Variants in DHX30 observed in about 807,000 individuals in gnomAD.
DHX30 encodes ATP-dependent RNA helicase DHX30.
A neutral mutation model predicts 116.9 loss-of-function variants in DHX30; 4 were observed. The ratio of observed to expected loss-of-function variants is 0.03; its 90% CI spans 0.02 to 0.08. DHX30 has a LOEUF of 0.08. DHX30 is among the 10% of genes least tolerant of loss of function. The pLI, the probability that DHX30 is intolerant of heterozygous loss-of-function variation, is 1.00. For synonymous variants in DHX30, 697 were observed against 651.7 expected, an observed-to-expected ratio of 1.07 and a Z score of -1.06; for missense variants, 871 against 1,595.1, an observed-to-expected ratio of 0.55 and a Z score of 7.73.
In DHX30 at chr3:47,847,406, G is replaced by A; in HGVS notation, c.2006-26G>A. Reference sequence around the variant, plus strand: ...CTGGCCACGTTTGCAGCAACAGCTGGCTCATGCCCCAGGGCTCCTTTACAG... The same window carrying A: ...CTGGCCACGTTTGCAGCAACAGCTGACTCATGCCCCAGGGCTCCTTTACAG... On this transcript the variant is annotated intron_variant, in intron 12 of 21. Transcript: ENST00000445061. The surrounding 1 kb of genome is among the most constrained non-coding windows in gnomAD (Gnocchi z 5.5). 1 of 1,614,112 alleles carries A rather than the reference G, an allele frequency of 6.2e-7. No individual in the cohort carries two copies. Among genetic ancestry groups the A allele is most frequent in the East Asian group, 2.2e-5 (1 of 44,880 alleles).
In DHX30 at chr3:47,849,484, T is replaced by C. The variant is rs1259969216; in HGVS notation, c.3121T>C (p.Phe1041Leu). ...GGGCAAGGTCACCCGGCAGGGGAAG[T>C]TCAAGCCCAACAGCGTCACATATAG... Reference protein sequence around the residue: ...RQGKVTRQGKFKPNSVTYRTK... With the variant: ...RQGKVTRQGKLKPNSVTYRTK... Residue 1041 changes from phenylalanine to leucine, a missense_variant, in exon 20 of 22, where the codon TTC becomes CTC. This residue lies in a region of DHX30 where 238 missense variants were observed against 481.0 expected (regional missense o/e 0.49). Coordinates refer to ENST00000445061, the MANE Select transcript of DHX30 (RefSeq NM_138615.3). The C allele has an allele frequency of 2.5e-6, 4 of 1,582,026 alleles. No homozygotes were observed. Among genetic ancestry groups the C allele is most frequent in the Non-Finnish European group, 8.6e-7 (1 of 1,159,854 alleles).
intron 8 of DHX30, 35 bp from the exon 9 acceptor site, chr3:47,843,071 C>T: frequency 6.2e-7 from 1 of 1,610,638 alleles, no homozygotes; most frequent in Non-Finnish European, 8.5e-7. Context: ...CCATTCCCTA[C>T]ATTTCTGTAA....
At chr3:47,819,718 C>T (rs185000968) in intron 4 of DHX30, among the ~76,000 whole-genome samples, 70 of 152,262 alleles carry the variant, frequency 4.6e-4, no homozygotes, top group Non-Finnish European at 5.7e-4. Context: ...TTATATTGAT[C>T]ACAGTACTCA....
At position 47,810,678 on chromosome 3, in the gene DHX30, C is replaced by T. The variant is rs772602477; in HGVS notation, c.-6C>T. 1 of 1,614,076 alleles carries T rather than the reference C, an allele frequency of 6.2e-7. No individual in the cohort carries two copies. Among genetic ancestry groups the T allele is most frequent in the Non-Finnish European group, 8.5e-7 (1 of 1,179,956 alleles). ...TCAGGATTCCAGCTTTCCCTCCTGG[C>T]CAGAAATGTTCAGCCTGGACTCATT... On this transcript the variant is annotated 5_prime_UTR_variant, in exon 3 of 22. Coordinates refer to ENST00000445061, the MANE Select transcript of DHX30 (RefSeq NM_138615.3).
intron 3 of DHX30, among the ~76,000 whole-genome samples, chr3:47,812,023 C>T (rs1361066351): frequency 1.4e-5 from 2 of 143,640 alleles, no homozygotes; most frequent in Non-Finnish European, 3.0e-5. Context: ...GAGATTACAC[C>T]ACTGCACTCC....
chr3:47,841,086 C>T lies in DHX30; in HGVS notation c.576C>T (p.Asp192=), dbSNP rs200914345. The change falls in exon 7 of 22, where the codon GAC becomes GAT. Residue 192 remains aspartate, a synonymous_variant. Coordinates refer to ENST00000445061, the MANE Select transcript of DHX30 (RefSeq NM_138615.3). The part of the protein sequence containing the change: ...SRSLGREEEE[D]EEEELEEGTI... ...CTTTAGGCCGGGAAGAAGAGGAGGA[C>T]GAGGAGGAAGAGCTAGAAGAAGGGA... The T allele has an allele frequency of 3.9e-5, 63 of 1,614,060 alleles. No individual in the cohort carries two copies. The African/African-American group carries it at 6.3e-4, about 16-fold the overall frequency.
chr3:47,846,819 C>G lies in DHX30; in HGVS notation c.1747C>G (p.Pro583Ala). ...GCTCAAGGGCCTGCAGCGGCTCAAC[C>G]CGGCCCTGCGGCTGGTGCTCATGAG... ...ILLKGLQRLN[P>A]ALRLVLMSAT... The change falls in exon 11 of 22, where the codon CCG becomes GCG. Residue 583 changes from proline (P) to alanine (A), a missense_variant. Pro to Ala is a conservative substitution (Grantham distance 27, BLOSUM62 -1). Transcript: ENST00000445061. 5.0e-6 allele frequency: 8 copies of G among 1,613,116 alleles called. No homozygotes were observed. The highest frequency in any genetic ancestry group is 6.8e-6 in the Non-Finnish European group (8 of 1,179,820).
At chr3:47,822,645 C>T (rs2036349189) in intron 4 of DHX30, among the ~76,000 whole-genome samples, 1 of 151,630 alleles carries the variant, frequency 6.6e-6, no homozygotes, top group South Asian at 2.1e-4. Context: ...ATTAGCTGGG[C>T]ATGGTGGCAC....
intron 1 of DHX30, among the ~76,000 whole-genome samples, chr3:47,803,435 G>GAGCCCGGGCGGGGGCGGGGGCC (rs1216824032): frequency 7.9e-5 from 12 of 152,136 alleles, no homozygotes; most frequent in Non-Finnish European, 1.5e-5. Flanking sequence ...CGTTGCCATG[G>GAGCCCGGGCGGGGGCGGGGGCC]AGCCCGGGCG....
Position 47,847,706 on chromosome 3 carries a change from C to T in DHX30, c.2111-75C>T. Reference sequence around the variant, plus strand: ...GTTTCATCAAAATGGGGTCAAAATCCTTGCCCTGCCCACATTCCAGGGGGG... The same window carrying T: ...GTTTCATCAAAATGGGGTCAAAATCTTTGCCCTGCCCACATTCCAGGGGGG... On this transcript the variant is annotated intron_variant, in intron 13 of 21. Transcript: ENST00000445061. The surrounding 1 kb of genome is among the most constrained non-coding windows in gnomAD (Gnocchi z 5.5). 6.5e-7 allele frequency: 1 copy of T among 1,543,534 alleles called. No homozygotes were observed. Among genetic ancestry groups the T allele is most frequent in the Admixed American group, 1.9e-5 (1 of 52,360 alleles).
At position 47,847,234 on chromosome 3, in the gene DHX30, C is replaced by G; in HGVS notation, c.1930-39C>G. ...CTGTGTCCTTGGCATGACCCCTTAC[C>G]CCGGGGCTGTGACTGTGGCCTCTCT... On this transcript the variant is annotated intron_variant, in intron 11 of 21. Transcript: ENST00000445061. This position sits in a 1 kb window ranked among gnomAD's most constrained non-coding sequence, Gnocchi z 5.5. 1 of 1,613,464 alleles carries G rather than the reference C, an allele frequency of 6.2e-7. No homozygotes were observed. The highest frequency in any genetic ancestry group is 1.3e-5 in the African/African-American group (1 of 75,054).
rs1236507284 is a variant in DHX30, at chr3:47,841,660, G to T, written c.712G>T (p.Ala238Ser). 6.2e-7 allele frequency: 1 copy of T among 1,614,228 alleles called. No homozygotes were observed. Among genetic ancestry groups the T allele is most frequent in the South Asian group, 1.1e-5 (1 of 91,082 alleles). Residue 238 changes from alanine (A) to serine (S), a missense_variant, in exon 8 of 22, where the codon GCT becomes TCT. This residue lies in a region of DHX30 where 175 missense variants were observed against 292.9 expected (regional missense o/e 0.60). Coordinates refer to ENST00000445061, the MANE Select transcript of DHX30 (RefSeq NM_138615.3). ...GACAGATGACGACAGTGCCATTAGGGCTCTGACCCAGTTTCCACTTCCCAA... is the reference window on the plus strand; with the variant it reads ...GACAGATGACGACAGTGCCATTAGGTCTCTGACCCAGTTTCCACTTCCCAA... ...EMTDDDSAIR[A>S]LTQFPLPKNL... is the part of the protein sequence containing the mutation.
At chr3:47,817,894 G>C in intron 3 of DHX30, 128 bp from the exon 4 acceptor site, 1 of 754,790 alleles carries the variant, frequency 1.3e-6, no homozygotes, top group Non-Finnish European at 2.5e-6. Context: ...ACCTGTGGCT[G>C]CTCCCAGCAC....
At chr3:47,830,231 C>T (rs1015539547) in intron 6 of DHX30, among the ~76,000 whole-genome samples, 8 of 151,026 alleles carry the variant, frequency 5.3e-5, no homozygotes, top group Admixed American at 1.3e-4. Context: ...GGGCAGATCA[C>T]GAGGTCAGGA....
chr3:47,806,444 T>A (rs2035527370), intron 2 of DHX30, among the ~76,000 whole-genome samples: 2 of 139,742 alleles, frequency 1.4e-5, no homozygotes, highest in Admixed American at 1.5e-4. Flanking sequence ...GCCTGGCCAA[T>A]TTTTTTCTTT....
chr3:47,839,533 AT>A (rs1216026518), intron 6 of DHX30, among the ~76,000 whole-genome samples: 1 of 151,280 alleles, frequency 6.6e-6, no homozygotes. Flanking sequence ...ACCTCAGGTG[AT>A]CCGCCCACCT....
chr3:47,820,512 T>C (rs1280479471), intron 4 of DHX30, among the ~76,000 whole-genome samples: 1 of 152,142 alleles, frequency 6.6e-6, no homozygotes, highest in Non-Finnish European at 1.5e-5. Flanking sequence ...AAATATAGGC[T>C]GAGACTCCTG....
chr3:47,806,337 T>C (rs2035522003), intron 2 of DHX30, among the ~76,000 whole-genome samples: 1 of 146,492 alleles, frequency 6.8e-6, no homozygotes, highest in Non-Finnish European at 1.5e-5. Context: ...AGAGATGGGG[T>C]TTCACCATTT....
chr3:47,813,557 C>G (rs1352136411), intron 3 of DHX30, among the ~76,000 whole-genome samples: 2 of 152,164 alleles, frequency 1.3e-5, no homozygotes, highest in African/African-American at 2.4e-5. Context: ...CTTCAAGAGA[C>G]TGAAGAGTAA....
Sources: gnomAD v4.1 joint callset for allele counts (sites outside exome capture counted in the v4.1 genomes callset) on GRCh38, gnomAD v4.1.1 for gene constraint, gnomAD v4.1.1 regional missense constraint, Gnocchi (gnomAD v3.1) non-coding constraint, MANE v1.5 for transcripts, NCBI Gene and HGNC (gene_info 2026-07-23, HGNC 2026-07-21) for gene names.